KRAS: variants seen among roughly 807,000 people sequenced by gnomAD.
KRAS encodes the protein KRas proto-oncogene, GTPase.
A neutral mutation model predicts 21.0 loss-of-function variants in KRAS; 1 was observed. That is an observed-to-expected ratio of 0.05 (90% CI 0.02 to 0.23). KRAS has a LOEUF of 0.23. Ranked by LOEUF, KRAS falls within the 10% of genes least tolerant of loss-of-function variation. KRAS has a pLI of 1.00. For missense variants in KRAS, 107 were observed against 221.8 expected (o/e 0.48, Z 3.29); for synonymous variants, 67 against 72.5 (o/e 0.92, Z 0.39).
intron 2 of KRAS, among the ~76,000 whole-genome samples, chr12:25,231,197 G>T (rs1370115909): frequency 6.9e-6 from 1 of 144,848 alleles, no homozygotes; most frequent in Non-Finnish European, 1.5e-5. Flanking sequence ...CGCCTCCCAG[G>T]TTCAAGCGAT....
At chr12:25,247,476 A>T (rs955892673) in intron 1 of KRAS, among the ~76,000 whole-genome samples, 1 of 152,204 alleles carries the variant, frequency 6.6e-6, no homozygotes, top group Admixed American at 6.5e-5. Flanking sequence ...CATGTATCTT[A>T]TCCCGTTTGC....
chr12:25,214,940 G>A (rs770194086), intron 4 of KRAS, among the ~76,000 whole-genome samples: 12 of 152,106 alleles, frequency 7.9e-5, no homozygotes. Context: ...CTGTGCTGCT[G>A]ATGCCACTGA....
At chr12:25,243,427 T>A (rs903596450) in intron 2 of KRAS, among the ~76,000 whole-genome samples, 4 of 152,192 alleles carry the variant, frequency 2.6e-5, no homozygotes, top group African/African-American at 9.7e-5. Flanking sequence ...TAAGCAGAGT[T>A]ATAGGTTTAA....
intron 4 of KRAS, among the ~76,000 whole-genome samples, chr12:25,221,024 CAAAAAAAAAAA>C (rs67015511): frequency 1.2e-5 from 1 of 84,812 alleles, no homozygotes; most frequent in Non-Finnish European, 2.2e-5. Context: ...GACTCTGCCT[CAAAAAAAAAAA>C]AAAAAAAAAA....
intron 2 of KRAS, among the ~76,000 whole-genome samples, chr12:25,229,067 A>G (rs1349102171): frequency 4.6e-5 from 7 of 152,328 alleles, no homozygotes. Context: ...CAAAAAAACA[A>G]AAACAAAACA....
intron 1 of KRAS, among the ~76,000 whole-genome samples, chr12:25,245,747 TAG>T (rs1167632836): frequency 3.3e-5 from 5 of 152,212 alleles, no homozygotes; most frequent in African/African-American, 9.6e-5. Flanking sequence ...TTCACTCATG[TAG>T]AGACTTCACA....
intron 2 of KRAS, among the ~76,000 whole-genome samples, chr12:25,232,378 C>CT (rs1951485248): frequency 6.6e-6 from 1 of 152,160 alleles, no homozygotes. Context: ...TTGCCAACTC[C>CT]TGCTGTAAGT....
chr12:25,226,885 T>C (rs1951400322), intron 3 of KRAS, among the ~76,000 whole-genome samples: 1 of 152,218 alleles, frequency 6.6e-6, no homozygotes, highest in South Asian at 2.1e-4. Flanking sequence ...AGTGACACCA[T>C]CTCAAATCAT....
chr12:25,240,241 C>T (rs758618707), intron 2 of KRAS, among the ~76,000 whole-genome samples: 3 of 152,000 alleles, frequency 2.0e-5, no homozygotes, highest in South Asian at 2.1e-4. Flanking sequence ...GGTTAAGAGA[C>T]GCCAGAAATG....
chr12:25,209,075 C>G lies in KRAS; in HGVS notation c.*720G>C. 2.4e-6 allele frequency: 1 copy of G among 423,056 alleles called. No homozygotes were observed. The highest frequency in any genetic ancestry group is 4.1e-6 in the Non-Finnish European group (1 of 240,988). The allele number at this position is 423,056 out of a possible 1,614,324, so 26.2% of individuals were successfully genotyped here. ...TAATAATCCCCATTTCATACTGGGT[C>G]TGCCTTAACAGGAAAAGCTATTAGG... On this transcript the variant is annotated 3_prime_UTR_variant, in exon 5 of 5. Transcript: ENST00000311936.
At chr12:25,226,981 A>G (rs964810643) in intron 3 of KRAS, among the ~76,000 whole-genome samples, 22 of 152,152 alleles carry the variant, frequency 1.4e-4, no homozygotes, top group Admixed American at 1.3e-3. Flanking sequence ...AGTCAAGAGT[A>G]CAGAAGGCTG....
intron 2 of KRAS, among the ~76,000 whole-genome samples, chr12:25,229,613 T>A (rs374229313): frequency 3.8e-5 from 5 of 130,814 alleles, no homozygotes; most frequent in African/African-American, 2.2e-4. Context: ...TCACACATTC[T>A]GCCAAAACAG....
chr12:25,241,009 T>C (rs2135800893), intron 2 of KRAS, among the ~76,000 whole-genome samples: 1 of 152,270 alleles, frequency 6.6e-6, no homozygotes, highest in South Asian at 2.1e-4. Context: ...AGCCTTGGAC[T>C]CCATTAAGCA....
At chr12:25,230,226 CAAT>C (rs779506340) in intron 2 of KRAS, among the ~76,000 whole-genome samples, 4 of 152,060 alleles carry the variant, frequency 2.6e-5, no homozygotes, top group Non-Finnish European at 5.9e-5. Context: ...AGCATGATCA[CAAT>C]AATATGTGTT....
At chr12:25,232,976 T>TC (rs1304792372) in intron 2 of KRAS, among the ~76,000 whole-genome samples, 3 of 152,130 alleles carry the variant, frequency 2.0e-5, no homozygotes, top group African/African-American at 4.8e-5. Context: ...GTGGTTTTTT[T>TC]TTAAATGACA....
At chr12:25,231,788 G>A (rs564348234) in intron 2 of KRAS, among the ~76,000 whole-genome samples, 1 of 152,280 alleles carries the variant, frequency 6.6e-6, no homozygotes, top group Non-Finnish European at 1.5e-5. Flanking sequence ...CTCACTCTTA[G>A]AAGTGCAATT....
At chr12:25,244,085 A>T (rs1027917362) in intron 2 of KRAS, among the ~76,000 whole-genome samples, 7 of 152,184 alleles carry the variant, frequency 4.6e-5, no homozygotes, top group Non-Finnish European at 1.0e-4. Flanking sequence ...AACTGCATAA[A>T]TATCTTCCCA....
intron 4 of KRAS, chr12:25,215,659 AT>A (rs559719205): frequency 0.13 from 90,804 of 679,336 alleles, no homozygotes; most frequent in South Asian, 0.19. Context: ...TGAGCTTGAG[AT>A]TTTTTTTTTT....
intron 1 of KRAS, among the ~76,000 whole-genome samples, chr12:25,245,722 G>A (rs971439609): frequency 1.3e-5 from 2 of 152,090 alleles, no homozygotes; most frequent in African/African-American, 4.8e-5. Flanking sequence ...GGCTCTCAAA[G>A]GATCATATCA....
Sources: allele counts gnomAD v4.1 joint callset (sites outside exome capture counted in the v4.1 genomes callset), GRCh38; gene constraint gnomAD v4.1.1; transcripts MANE v1.5; gene names NCBI Gene and HGNC (gene_info 2026-07-23, HGNC 2026-07-21).